Variants in SH3PXD2B observed in about 807,000 individuals in gnomAD.
SH3PXD2B encodes SH3 and PX domain-containing protein 2B.
Under a neutral mutation model 73.1 loss-of-function variants are expected in SH3PXD2B, and 37 were observed. The ratio of observed to expected loss-of-function variants is 0.51; its 90% confidence interval spans 0.39 to 0.67. SH3PXD2B has a LOEUF of 0.67. Ranked by LOEUF, SH3PXD2B falls within the 30% of genes least tolerant of loss-of-function variation. SH3PXD2B has a pLI of 0.00. For missense variants in SH3PXD2B, 1,053 were observed against 1,197.8 expected (o/e 0.88, Z 1.78); for synonymous variants, 457 against 480.5 (o/e 0.95, Z 0.64).
chr5:172,418,210 T>C (rs777547638), intron 2 of SH3PXD2B, among the ~76,000 whole-genome samples: 1 of 152,160 alleles, frequency 6.6e-6, no homozygotes, highest in Non-Finnish European at 1.5e-5. Flanking sequence ...ATTTGCGTAA[T>C]TGGATAAGCT....
At chr5:172,345,400 G>A (rs2113272965) in intron 12 of SH3PXD2B, among the ~76,000 whole-genome samples, 1 of 152,210 alleles carries the variant, frequency 6.6e-6, no homozygotes, top group South Asian at 2.1e-4. Flanking sequence ...TTGCAGAGAT[G>A]AATAAATTGA....
intron 8 of SH3PXD2B, among the ~76,000 whole-genome samples, chr5:172,354,714 C>T (rs752814707): frequency 3.1e-4 from 47 of 152,268 alleles, no homozygotes; most frequent in Admixed American, 1.4e-3. Context: ...ATTACCTTGC[C>T]GGCAGCTGAT....
intron 3 of SH3PXD2B, among the ~76,000 whole-genome samples, chr5:172,402,004 A>T (rs1758430236): frequency 6.6e-6 from 1 of 152,256 alleles, no homozygotes; most frequent in South Asian, 2.1e-4. Context: ...CAAGGGAGAT[A>T]ACCATTAGGT....
intron 8 of SH3PXD2B, among the ~76,000 whole-genome samples, chr5:172,357,977 T>G (rs1757319170): frequency 6.6e-6 from 1 of 152,204 alleles, no homozygotes; most frequent in South Asian, 2.1e-4. Context: ...TACTGGTCAT[T>G]TATTGTTCTA....
intron 2 of SH3PXD2B, among the ~76,000 whole-genome samples, chr5:172,418,889 GGA>G (rs1446635451): frequency 1.3e-5 from 2 of 152,184 alleles, no homozygotes; most frequent in Non-Finnish European, 1.5e-5. Context: ...AGTCGGAACA[GGA>G]GAGTGGAAGG....
intron 3 of SH3PXD2B, among the ~76,000 whole-genome samples, chr5:172,402,549 TCTCCCCCA>T (rs1306220453): frequency 6.6e-6 from 1 of 152,152 alleles, no homozygotes; most frequent in Middle Eastern, 3.2e-3. Context: ...ACATGTGATG[TCTCCCCCA>T]GACACCAGCT....
chr5:172,330,375 G>C (rs1756531955), downstream of SH3PXD2B, among the ~76,000 whole-genome samples: 1 of 152,170 alleles, frequency 6.6e-6, no homozygotes, highest in Non-Finnish European at 1.5e-5. Flanking sequence ...CAGGCATTAT[G>C]GTTCAGGTAG....
At chr5:172,406,450 T>A (rs1758561152) in intron 2 of SH3PXD2B, 98 bp from the exon 3 acceptor site, 1 of 1,399,646 alleles carries the variant, frequency 7.1e-7, no homozygotes, top group Non-Finnish European at 1.0e-6. Context: ...TGTGATGTGA[T>A]ATACTAAAAG....
At chr5:172,409,275 GGGAGACTGAGGCA>G (rs2113436778) in intron 2 of SH3PXD2B, among the ~76,000 whole-genome samples, 1 of 152,020 alleles carries the variant, frequency 6.6e-6, no homozygotes, top group East Asian at 1.9e-4. Context: ...CCAGCTACTA[GGGAGACTGAGGCA>G]GGAGAATTGC....
At chr5:172,326,169 C>T (rs910659147) in intron 12 of SH3PXD2B, among the ~76,000 whole-genome samples, 8 of 152,198 alleles carry the variant, frequency 5.3e-5, no homozygotes, top group South Asian at 4.1e-4. Flanking sequence ...TGAACCATAG[C>T]GGCCTGGTTA....
intron 1 of SH3PXD2B, among the ~76,000 whole-genome samples, chr5:172,434,814 C>T (rs1401553303): frequency 2.1e-5 from 2 of 93,342 alleles, no homozygotes; most frequent in African/African-American, 5.4e-5. Context: ...GACAGAGTCT[C>T]GTTCTCTTGC....
At chr5:172,403,919 C>T (rs1758491250) in intron 3 of SH3PXD2B, among the ~76,000 whole-genome samples, 1 of 152,152 alleles carries the variant, frequency 6.6e-6, no homozygotes, top group Non-Finnish European at 1.5e-5. Context: ...CCGTTTTTAA[C>T]AGATGTGGAA....
chr5:172,436,977 G>A (rs1434936515), intron 1 of SH3PXD2B, among the ~76,000 whole-genome samples: 1 of 152,164 alleles, frequency 6.6e-6, no homozygotes, highest in East Asian at 1.9e-4. Context: ...AAGGGGGTTG[G>A]ATTCCCTCCA....
chr5:172,386,149 G>A (rs1175752614), intron 4 of SH3PXD2B, among the ~76,000 whole-genome samples: 1 of 152,204 alleles, frequency 6.6e-6, no homozygotes, highest in Non-Finnish European at 1.5e-5. Context: ...TTCTGGCCAA[G>A]TCTCACTGCC....
downstream of SH3PXD2B, among the ~76,000 whole-genome samples, chr5:172,332,585 C>T (rs187572248): frequency 1.1e-4 from 9 of 79,928 alleles, no homozygotes; most frequent in Admixed American, 2.5e-4. Flanking sequence ...AATGGGGACA[C>T]AGATTAATAT....
At chr5:172,407,694 A>G (rs965364695) in intron 2 of SH3PXD2B, among the ~76,000 whole-genome samples, 1 of 152,206 alleles carries the variant, frequency 6.6e-6, no homozygotes, top group Admixed American at 6.5e-5. Flanking sequence ...AGAAACTTTG[A>G]AAAGTCCAGG....
At position 172,335,439 on chromosome 5, in the gene SH3PXD2B, CCAAA is replaced by C; in HGVS notation, c.*2926_*2929del. On this transcript the variant is annotated 3_prime_UTR_variant, in exon 13 of 13. Coordinates refer to ENST00000311601, the MANE Select transcript of SH3PXD2B (RefSeq NM_001017995.3). ...GAGGGAAAGAACAACAACAACAAAA[CCAAA>C]CAAACCCAAACTCGAGATCTCAGTC... 3.6e-6 allele frequency: 4 copies of C among 1,111,416 alleles called. No individual in the cohort carries two copies. Among genetic ancestry groups the C allele is most frequent in the Non-Finnish European group, 4.3e-6 (4 of 934,090 alleles). The allele number at this position is 1,111,416 out of a possible 1,614,324, so 68.8% of individuals were successfully genotyped here.
At position 172,334,587 on chromosome 5, in the gene SH3PXD2B, C is replaced by G; in HGVS notation, c.*3782G>C. ...TCACAGTCCAAAGAGAAAGGTACGG[C>G]CTCCAAGGGGGCAGCTTAAGCCAAC... On this transcript the variant is annotated 3_prime_UTR_variant, in exon 13 of 13. Coordinates refer to ENST00000311601, the MANE Select transcript of SH3PXD2B (RefSeq NM_001017995.3). The G allele has an allele frequency of 1.0e-6, 1 of 985,500 alleles. No individual in the cohort carries two copies. 61.0% of individuals were successfully genotyped at this position (985,500 alleles called of 1,614,324 possible). A position where few individuals can be genotyped will look rare whatever the true frequency, so the allele number is the denominator to read the frequency against.
At chr5:172,430,098 T>C (rs1161940773) in intron 1 of SH3PXD2B, among the ~76,000 whole-genome samples, 1 of 152,228 alleles carries the variant, frequency 6.6e-6, no homozygotes, top group Non-Finnish European at 1.5e-5. Flanking sequence ...ACTGCAAAGT[T>C]GGGGCGAGGA....
Sources: gnomAD v4.1 joint callset for allele counts (sites outside exome capture counted in the v4.1 genomes callset) on GRCh38, gnomAD v4.1.1 for gene constraint, MANE v1.5 for transcripts, NCBI Gene and HGNC (gene_info 2026-07-23, HGNC 2026-07-21) for gene names.